Variants in CFAP157 observed in about 807,000 individuals in gnomAD.
The protein encoded by CFAP157 is cilia and flagella associated protein 157.
In CFAP157, 43 loss-of-function variants were observed where a neutral mutation model predicts 57.8. That is an observed-to-expected ratio of 0.74 (90% CI 0.58 to 0.96). The LOEUF (loss-of-function observed/expected upper bound fraction) is 0.96. CFAP157 is among the 40% of genes least tolerant of loss of function. The pLI, the probability that CFAP157 is intolerant of heterozygous loss-of-function variation, is 0.00. For synonymous variants in CFAP157, 267 were observed against 269.0 expected, an observed-to-expected ratio of 0.99 and a Z score of 0.07; for missense variants, 606 against 655.3, an observed-to-expected ratio of 0.92 and a Z score of 0.82.
chr9:127,715,645 C>T lies in CFAP157; in HGVS notation c.*1740C>T, dbSNP rs577113179. 1.8e-5 allele frequency: 29 copies of T among 1,610,960 alleles called. No individual in the cohort carries two copies. The Admixed American group carries it at 2.2e-4, about 12-fold the overall frequency. ...AAAAAGCCGCCCGGCCTCATGCTGC[C>T]CCCATTCACTCCGACACCGCCCCCT... On this transcript the variant is annotated 3_prime_UTR_variant, in exon 9 of 9. Transcript: ENST00000373295. The surrounding 1 kb of genome is among the most constrained non-coding windows in gnomAD (Gnocchi z 5.8).
chr9:127,714,876 A>C lies in CFAP157; in HGVS notation c.*971A>C, dbSNP rs1842893426. 1.9e-5 allele frequency: 22 copies of C among 1,134,368 alleles called. No individual in the cohort carries two copies. In the South Asian group the frequency reaches 2.1e-4, roughly 11 times the overall value. The allele number at this position is 1,134,368 out of a possible 1,614,324, so 70.3% of individuals were successfully genotyped here. A position where few individuals can be genotyped will look rare whatever the true frequency, so the allele number is the denominator to read the frequency against. On this transcript the variant is annotated 3_prime_UTR_variant, in exon 9 of 9. Transcript: ENST00000373295. Reference sequence around the variant, plus strand: ...GGAGCTCAACAGGTACTTGGAGGTGAACCCGCGGATCTGTCACAGCCAGTG... The same window carrying C: ...GGAGCTCAACAGGTACTTGGAGGTGCACCCGCGGATCTGTCACAGCCAGTG...
At chr9:127,710,858 G>C in intron 3 of CFAP157, 104 bp downstream of exon 3, 1 of 1,311,436 alleles carries the variant, frequency 7.6e-7, no homozygotes. Flanking sequence ...GTTAGATGGG[G>C]AAACTGACCG....
intron 8 of CFAP157, 81 bp downstream of exon 8, chr9:127,713,287 G>C (rs376982634): frequency 1.9e-6 from 2 of 1,062,548 alleles, no homozygotes; most frequent in South Asian, 1.6e-5. Context: ...GGCCACAGCT[G>C]TGTGGCCCTG....
chr9:127,712,890 C>G lies in CFAP157; in HGVS notation c.1304+15C>G, dbSNP rs1338199755. On this transcript the variant is annotated intron_variant, in intron 7 of 8. Coordinates refer to ENST00000373295, the MANE Select transcript of CFAP157 (RefSeq NM_001012502.3). ...CCCAAGGAGAGGTAAGCAAGTGGCC[C>G]TGTGTGGCCTCAGAGGCAGCCACAG... The G allele has an allele frequency of 6.2e-7, 1 of 1,603,490 alleles. No individual in the cohort carries two copies. The highest frequency in any genetic ancestry group is 1.7e-5 in the Admixed American group (1 of 58,370).
At position 127,711,213 on chromosome 9, in the gene CFAP157, C is replaced by T; in HGVS notation, c.588-16C>T. The T allele has an allele frequency of 6.2e-7, 1 of 1,611,638 alleles. No homozygotes were observed. The highest frequency in any genetic ancestry group is 1.1e-5 in the South Asian group (1 of 90,838). ...CCGCTCTGTCTGACCCCTTCCCCTC[C>T]CACCTTTCTGGCCAGACTGAGGAAA... On this transcript the variant is annotated splice_polypyrimidine_tract_variant and intron_variant, in intron 3 of 8. Transcript: ENST00000373295.
chr9:127,712,125 AG>A, intron 5 of CFAP157, 73 bp from the exon 6 acceptor site: 1 of 1,569,474 alleles, frequency 6.4e-7, no homozygotes, highest in Non-Finnish European at 8.7e-7. Context: ...GAGAAATGGC[AG>A]GGCCCCTGGC....
intron 6 of CFAP157, 131 bp from the exon 7 acceptor site, chr9:127,712,578 G>C: frequency 6.4e-7 from 1 of 1,562,488 alleles, no homozygotes; most frequent in Admixed American, 1.9e-5. Context: ...CAGTCTTCCC[G>C]ACTGAAGAAT....
chr9:127,707,259 G>C, intron 1 of CFAP157, 67 bp downstream of exon 1: 1 of 1,563,246 alleles, frequency 6.4e-7, no homozygotes, highest in Non-Finnish European at 8.7e-7. Flanking sequence ...TGGCCCCCAT[G>C]CAGGTTTGGC....
chr9:127,713,385 C>A, intron 8 of CFAP157, 179 bp downstream of exon 8: 2 of 532,294 alleles, frequency 3.8e-6, no homozygotes, highest in Non-Finnish European at 6.4e-6. Context: ...CAAAGCATGC[C>A]CACACATGCC....
intron 5 of CFAP157, 112 bp from the exon 6 acceptor site, chr9:127,712,087 G>A (rs1842778921): frequency 1.3e-6 from 2 of 1,513,410 alleles, no homozygotes; most frequent in East Asian, 4.7e-5. Flanking sequence ...GAGGCTTGGG[G>A]CGGGATGGGG....
At position 127,714,879 on chromosome 9, in the gene CFAP157, C is replaced by T; in HGVS notation, c.*974C>T. The T allele has an allele frequency of 8.7e-7, 1 of 1,153,696 alleles. No homozygotes were observed. The highest frequency in any genetic ancestry group is 1.2e-6 in the Non-Finnish European group (1 of 823,410). The allele number at this position is 1,153,696 out of a possible 1,614,324, so 71.5% of individuals were successfully genotyped here. Reference sequence around the variant, plus strand: ...GCTCAACAGGTACTTGGAGGTGAACCCGCGGATCTGTCACAGCCAGTGCTC... The same window carrying T: ...GCTCAACAGGTACTTGGAGGTGAACTCGCGGATCTGTCACAGCCAGTGCTC... On this transcript the variant is annotated 3_prime_UTR_variant, in exon 9 of 9. Transcript: ENST00000373295.
intron 1 of CFAP157, 53 bp downstream of exon 1, chr9:127,707,245 C>A: frequency 6.3e-7 from 1 of 1,583,236 alleles, no homozygotes; most frequent in Admixed American, 1.7e-5. Flanking sequence ...AGCCCATGCC[C>A]AGGTGGCCCC....
Position 127,711,954 on chromosome 9 carries a change from C to G in CFAP157, c.986+4C>G. ...AGGTGGATAACCAGGCACTGAAGTG[C>G]GTATGGCCCACGGAGGGGCGGGCGG... On this transcript the variant is annotated splice_donor_region_variant and intron_variant, in intron 5 of 8. Transcript: ENST00000373295. 6.2e-7 allele frequency: 1 copy of G among 1,604,704 alleles called. No homozygotes were observed.
rs1381417872 is a variant in CFAP157 at position 127,715,700 on chromosome 9, G to A, written c.*1795G>A. On this transcript the variant is annotated 3_prime_UTR_variant, in exon 9 of 9. Coordinates refer to ENST00000373295, the MANE Select transcript of CFAP157 (RefSeq NM_001012502.3). The surrounding 1 kb of genome is among the most constrained non-coding windows in gnomAD (Gnocchi z 5.8). The stretch of plus-strand genomic sequence containing the variant: ...TCATCACCCCGCAGCAGCCAATCGT[G>A]TTGCCAACTGTTTGGCGTCCACCGC... 1.9e-6 allele frequency: 3 copies of A among 1,572,834 alleles called. No homozygotes were observed. Among genetic ancestry groups the A allele is most frequent in the Non-Finnish European group, 2.6e-6 (3 of 1,163,694 alleles).
At position 127,711,489 on chromosome 9, in the gene CFAP157, A is replaced by G; in HGVS notation, c.848A>G (p.His283Arg). Residue 283 changes from histidine to arginine, a missense_variant, in exon 4 of 9, where the codon CAC (histidine) becomes CGC (arginine). Transcript: ENST00000373295. ...QKVMARHKRGHQKIILMLTKK... is the reference protein window; with the variant it reads ...QKVMARHKRGRQKIILMLTKK... ...GTCATGGCCAGGCACAAAAGAGGCC[A>G]CCAGAAGGTGTGCCTGCAGGCCTCA... The G allele has an allele frequency of 6.2e-7, 1 of 1,613,028 alleles. No homozygotes were observed. Among genetic ancestry groups the G allele is most frequent in the Non-Finnish European group, 8.5e-7 (1 of 1,179,674 alleles).
chr9:127,711,097 G>T, intron 3 of CFAP157, 132 bp from the exon 4 acceptor site: 1 of 1,182,236 alleles, frequency 8.5e-7, no homozygotes, highest in Non-Finnish European at 1.2e-6. Context: ...CCCACCCATA[G>T]CCCCAACCCT....
Position 127,715,823 on chromosome 9 carries a change from A to G in CFAP157, c.*1918A>G. On this transcript the variant is annotated 3_prime_UTR_variant, in exon 9 of 9. Coordinates refer to ENST00000373295, the MANE Select transcript of CFAP157 (RefSeq NM_001012502.3). The surrounding 1 kb of genome is among the most constrained non-coding windows in gnomAD (Gnocchi z 5.8). ...GTCCGGGAACCCAGGCGCCTTCAGT[A>G]GCGCGGCGTCACAGTGTCCCTTCGG... 8.3e-7 allele frequency: 1 copy of G among 1,205,038 alleles called. No homozygotes were observed. The highest frequency in any genetic ancestry group is 1.2e-6 in the Non-Finnish European group (1 of 868,384). 74.6% of individuals were successfully genotyped at this position (1,205,038 alleles called of 1,614,324 possible).
chr9:127,712,745 A>C lies in CFAP157; in HGVS notation c.1174A>C (p.Thr392Pro). The change falls in exon 7 of 9, where the codon ACG becomes CCG. Residue 392 changes from threonine (T) to proline (P), a missense_variant. Physicochemically the swap from Thr to Pro is conservative, Grantham distance 38. Coordinates refer to ENST00000373295, the MANE Select transcript of CFAP157 (RefSeq NM_001012502.3). ...RDEEDSDVDV[T>P]FQPWHKEMLQ... ...TGAAGAGGACAGTGACGTTGACGTG[A>C]CGTTCCAGCCATGGCACAAGGAGAT... The C allele has an allele frequency of 6.2e-7, 1 of 1,614,180 alleles. No individual in the cohort carries two copies. Among genetic ancestry groups the C allele is most frequent in the Non-Finnish European group, 8.5e-7 (1 of 1,180,018 alleles).
In CFAP157 at chr9:127,715,830, C is replaced by G. The variant is rs1419823228; in HGVS notation, c.*1925C>G. 1 of 1,127,928 alleles carries G rather than the reference C, an allele frequency of 8.9e-7. No homozygotes were observed. The highest frequency in any genetic ancestry group is 1.3e-6 in the Non-Finnish European group (1 of 799,176). The allele number at this position is 1,127,928 out of a possible 1,614,324, so 69.9% of individuals were successfully genotyped here. On this transcript the variant is annotated 3_prime_UTR_variant, in exon 9 of 9. Coordinates refer to ENST00000373295, the MANE Select transcript of CFAP157 (RefSeq NM_001012502.3). The surrounding 1 kb of genome is among the most constrained non-coding windows in gnomAD (Gnocchi z 5.8). Reference sequence around the variant, plus strand: ...AACCCAGGCGCCTTCAGTAGCGCGGCGTCACAGTGTCCCTTCGGGACTTGT... The same window carrying G: ...AACCCAGGCGCCTTCAGTAGCGCGGGGTCACAGTGTCCCTTCGGGACTTGT...
Sources: allele counts gnomAD v4.1 joint callset, GRCh38; gene constraint gnomAD v4.1.1; non-coding constraint Gnocchi (gnomAD v3.1); transcripts MANE v1.5; gene names NCBI Gene and HGNC (gene_info 2026-07-23, HGNC 2026-07-21).